The following CTNNA3 variants were observed in gnomAD, a reference collection of about 807,000 sequenced individuals.
The protein encoded by CTNNA3 is catenin alpha-3.
In CTNNA3, 76 loss-of-function variants were observed where a neutral mutation model predicts 95.7. The observed-to-expected ratio is 0.79, with a 90% CI of 0.66 to 0.96. The LOEUF is 0.96. Among genes scored for constraint, CTNNA3 ranks in the 40% least tolerant of loss-of-function variants. CTNNA3 has a pLI of 0.00. For missense variants in CTNNA3, 1,191 were observed against 1,089.8 expected (o/e 1.09, Z -1.31); for synonymous variants, 431 against 374.4 (o/e 1.15, Z -1.74).
intron 12 of CTNNA3, among the ~76,000 whole-genome samples, chr10:66,334,498 G>T (rs373523940): frequency 6.6e-6 from 1 of 151,930 alleles, no homozygotes; most frequent in Admixed American, 6.6e-5. Context: ...ATGAAGCTTA[G>T]TTTGGCTGGA....
intron 13 of CTNNA3, among the ~76,000 whole-genome samples, chr10:66,270,378 T>C (rs1458515309): frequency 1.3e-5 from 2 of 152,058 alleles, no homozygotes; most frequent in East Asian, 3.9e-4. Context: ...ATAATTTTTC[T>C]GTTTTTTACA....
At chr10:66,519,317 G>A (rs1207610045) in intron 11 of CTNNA3, among the ~76,000 whole-genome samples, 1 of 151,872 alleles carries the variant, frequency 6.6e-6, no homozygotes, top group East Asian at 1.9e-4. Flanking sequence ...GGCTTCACAT[G>A]GAATCTCAAC....
At chr10:66,860,808 A>G (rs1843889885) in intron 7 of CTNNA3, among the ~76,000 whole-genome samples, 1 of 152,100 alleles carries the variant, frequency 6.6e-6, no homozygotes, top group Non-Finnish European at 1.5e-5. Flanking sequence ...CTCTCCAATA[A>G]ATTTTTTGTA....
At chr10:66,414,804 C>G (rs1026715522) in intron 11 of CTNNA3, among the ~76,000 whole-genome samples, 1 of 152,086 alleles carries the variant, frequency 6.6e-6, no homozygotes, top group Non-Finnish European at 1.5e-5. Flanking sequence ...GGGATGCCAT[C>G]TTTAGGACTG....
intron 6 of CTNNA3, among the ~76,000 whole-genome samples, chr10:67,187,702 C>G (rs1478228240): frequency 6.6e-6 from 1 of 152,096 alleles, no homozygotes; most frequent in Non-Finnish European, 1.5e-5. Flanking sequence ...CTTCCCAACT[C>G]AGCCTCCGCA....
chr10:66,346,089 A>G (rs1447704563), intron 12 of CTNNA3, among the ~76,000 whole-genome samples: 2 of 150,816 alleles, frequency 1.3e-5, no homozygotes, highest in East Asian at 1.9e-4. Context: ...AAAAAAAAAA[A>G]AAAAAAAGAA....
At chr10:65,965,821 T>C (rs1354262763) in intron 17 of CTNNA3, among the ~76,000 whole-genome samples, 1 of 152,128 alleles carries the variant, frequency 6.6e-6, no homozygotes, top group Non-Finnish European at 1.5e-5. Flanking sequence ...TACAGACATA[T>C]AAATATACTA....
At position 66,424,667 on chromosome 10, in the gene CTNNA3, C is replaced by T. The variant is rs116770936; in HGVS notation, c.1532-45315G>A. 7.0e-3 allele frequency among the ~76,000 whole-genome samples: 1,057 copies of T among 152,006 alleles called. 11 individuals are homozygous for T. Among genetic ancestry groups the T allele is most frequent in the African/African-American group, 0.024 (1,000 of 41,478 alleles). The stretch of plus-strand genomic sequence containing the variant: ...TGTAGTTTATAGTGACCTCACTTTT[C>T]GAAACTTGAAGAGACTTTCTTCCTT... On this transcript the variant is annotated intron_variant, in intron 11 of 17. Coordinates refer to ENST00000433211, the MANE Select transcript of CTNNA3 (RefSeq NM_013266.4).
chr10:67,165,958 T>C (rs974990806), intron 7 of CTNNA3, among the ~76,000 whole-genome samples: 2 of 152,200 alleles, frequency 1.3e-5, no homozygotes, highest in Admixed American at 1.3e-4. Flanking sequence ...AAACAAAAAT[T>C]ATTTTTCTCT....
chr10:66,074,936 TA>T (rs912026103), intron 14 of CTNNA3, among the ~76,000 whole-genome samples: 5 of 151,652 alleles, frequency 3.3e-5, no homozygotes, highest in Non-Finnish European at 7.4e-5. Flanking sequence ...ACTCAAGAGC[TA>T]AAAAAAACTC....
intron 12 of CTNNA3, among the ~76,000 whole-genome samples, chr10:66,359,084 C>T (rs1454384282): frequency 6.6e-6 from 1 of 152,268 alleles, no homozygotes; most frequent in Admixed American, 6.5e-5. Context: ...AAGTAAATAT[C>T]AAATCAGTTT....
chr10:67,217,897 G>A (rs1452233139), intron 6 of CTNNA3, among the ~76,000 whole-genome samples: 1 of 149,508 alleles, frequency 6.7e-6, no homozygotes, highest in African/African-American at 2.5e-5. Context: ...GATGGCACTA[G>A]GGAAAAATTC....
intron 1 of CTNNA3, among the ~76,000 whole-genome samples, chr10:67,760,634 C>T (rs536827240): frequency 3.9e-5 from 4 of 101,530 alleles, no homozygotes; most frequent in Admixed American, 2.2e-4. Flanking sequence ...AGGAGGTGAG[C>T]GGGTGAGAGA....
At chr10:66,423,691 G>A (rs549980822) in intron 11 of CTNNA3, among the ~76,000 whole-genome samples, 9 of 152,132 alleles carry the variant, frequency 5.9e-5, no homozygotes, top group South Asian at 2.1e-4. Flanking sequence ...ACTTCTCCCC[G>A]ACACGAAAAC....
chr10:66,137,925 G>T (rs72795329), intron 13 of CTNNA3, among the ~76,000 whole-genome samples: 23,019 of 151,992 alleles, frequency 0.15, 2,158 homozygotes, highest in Middle Eastern at 0.22. Context: ...ACTCCAGCAT[G>T]GGCAACAGAG....
chr10:67,124,285 C>T (rs1487802891), intron 7 of CTNNA3, among the ~76,000 whole-genome samples: 1 of 151,792 alleles, frequency 6.6e-6, no homozygotes, highest in Non-Finnish European at 1.5e-5. Flanking sequence ...CCAGTCTTCT[C>T]GCTTCCTCTA....
At chr10:66,707,023 G>T (rs1426351873) in intron 9 of CTNNA3, among the ~76,000 whole-genome samples, 4 of 151,894 alleles carry the variant, frequency 2.6e-5, no homozygotes, top group Non-Finnish European at 4.4e-5. Flanking sequence ...GATTATGAAA[G>T]ATATCAATAC....
chr10:66,858,305 A>G (rs1012792009), intron 7 of CTNNA3, among the ~76,000 whole-genome samples: 11 of 151,986 alleles, frequency 7.2e-5, no homozygotes, highest in Non-Finnish European at 1.5e-5. Context: ...TTGGTTTCCT[A>G]GTATTTTGTT....
intron 12 of CTNNA3, among the ~76,000 whole-genome samples, chr10:66,366,993 C>A (rs1182324205): frequency 6.6e-6 from 1 of 152,058 alleles, no homozygotes; most frequent in African/African-American, 2.4e-5. Flanking sequence ...TCAAGGAAGA[C>A]CTATTCAATG....
Sources: allele counts gnomAD v4.1 joint callset (sites outside exome capture counted in the v4.1 genomes callset), GRCh38; gene constraint gnomAD v4.1.1; transcripts MANE v1.5; gene names NCBI Gene and HGNC (gene_info 2026-07-23, HGNC 2026-07-21).